Variants in DIAPH2 observed in about 807,000 individuals in gnomAD.
DIAPH2 encodes diaphanous related formin 2, also known as protein diaphanous homolog 2.
Under a neutral mutation model 92.7 loss-of-function variants are expected in DIAPH2, and 35 were observed. The observed-to-expected ratio is 0.38, with a 90% confidence interval of 0.29 to 0.50. The LOEUF is 0.50. DIAPH2 is among the 20% of genes least tolerant of loss of function. The pLI, the probability that DIAPH2 is intolerant of heterozygous loss-of-function variation, is 0.94. For synonymous variants in DIAPH2, 301 were observed against 280.4 expected, an observed-to-expected ratio of 1.07 and a Z score of -0.73; for missense variants, 701 against 819.5, an observed-to-expected ratio of 0.86 and a Z score of 1.77.
chrX:97,253,989 A>G (rs2068213571), intron 23 of DIAPH2, among the ~76,000 whole-genome samples: 1 of 111,744 alleles, frequency 8.9e-6, no homozygotes, highest in African/African-American at 3.3e-5. Context: ...CTAGAAGGAG[A>G]TATCAAAGAT....
intron 17 of DIAPH2, among the ~76,000 whole-genome samples, chrX:96,975,087 G>A (rs1302229106): frequency 9.0e-6 from 1 of 111,522 alleles, no homozygotes; most frequent in South Asian, 3.7e-4. Context: ...GAAAATTGAG[G>A]TGTTATAAAT....
intron 4 of DIAPH2, among the ~76,000 whole-genome samples, chrX:96,820,063 G>C (rs2064767458): frequency 8.9e-6 from 1 of 112,308 alleles, no homozygotes; most frequent in African/African-American, 3.2e-5. Context: ...GGCAGTAAGA[G>C]AGATAAATAG....
chrX:96,685,711 A>G (rs138636845), intron 1 of DIAPH2, among the ~76,000 whole-genome samples: 1,467 of 112,055 alleles, frequency 0.013, 12 homozygotes, highest in Middle Eastern at 0.028. Flanking sequence ...AGAGGCGCCT[A>G]CGTGCCTTTT....
At chrX:96,955,849 C>A (rs1283623847) in intron 15 of DIAPH2, among the ~76,000 whole-genome samples, 1 of 112,706 alleles carries the variant, frequency 8.9e-6, no homozygotes. Context: ...TGCAGCCTCC[C>A]TGCTGATTGC....
At chrX:97,048,938 A>G (rs1374758180) in intron 17 of DIAPH2, among the ~76,000 whole-genome samples, 1 of 109,770 alleles carries the variant, frequency 9.1e-6, no homozygotes, top group Non-Finnish European at 1.9e-5. Flanking sequence ...TTTGACATAC[A>G]AAGACATTTT....
intron 8 of DIAPH2, among the ~76,000 whole-genome samples, chrX:96,917,798 A>G (rs2147784065): frequency 9.1e-6 from 1 of 110,457 alleles, no homozygotes; most frequent in South Asian, 3.8e-4. Flanking sequence ...CCATTGTCAA[A>G]AAATGTTGAT....
At chrX:96,832,356 A>G (rs927554223) in intron 4 of DIAPH2, among the ~76,000 whole-genome samples, 1 of 111,897 alleles carries the variant, frequency 8.9e-6, no homozygotes, top group Non-Finnish European at 1.9e-5. Flanking sequence ...TGCAAATACT[A>G]TTACAACTCA....
intron 22 of DIAPH2, among the ~76,000 whole-genome samples, chrX:97,195,618 G>T (rs2067695513): frequency 1.0e-5 from 1 of 97,891 alleles, no homozygotes. Context: ...CTGAGATCTC[G>T]CCACTGCACT....
intron 10 of DIAPH2, among the ~76,000 whole-genome samples, chrX:96,936,812 T>C (rs2065660727): frequency 8.9e-6 from 1 of 112,076 alleles, no homozygotes; most frequent in Non-Finnish European, 1.9e-5. Flanking sequence ...GAATATATCC[T>C]TGCATTTGTT....
intron 26 of DIAPH2, among the ~76,000 whole-genome samples, chrX:97,482,643 G>C (rs2070658895): frequency 1.1e-5 from 1 of 93,808 alleles, no homozygotes; most frequent in Non-Finnish European, 2.1e-5. Context: ...AAAAGGAAAA[G>C]AGGAGGGGAC....
At position 97,604,229 on chromosome X, in the gene DIAPH2, C is replaced by T. The variant is rs1376489327; in HGVS notation, c.*4912C>T. The T allele has an allele frequency of 8.9e-6, 1 of 111,874 alleles. No individual in the cohort carries two copies. Among genetic ancestry groups the T allele is most frequent in the African/African-American group, 3.3e-5 (1 of 30,624 alleles). 9.2% of individuals were successfully genotyped at this position (111,874 alleles called of 1,213,427 possible). The stretch of plus-strand genomic sequence containing the variant: ...ATCACTTCCCCTCTGTATATATAAT[C>T]TACCTCTGCCTCTCTCTTATAAGGA... On this transcript the variant is annotated 3_prime_UTR_variant, in exon 27 of 27. Transcript: ENST00000324765.
At chrX:97,148,288 A>G (rs1460820729) in intron 22 of DIAPH2, among the ~76,000 whole-genome samples, 2 of 111,852 alleles carry the variant, frequency 1.8e-5, no homozygotes, top group African/African-American at 6.5e-5. Flanking sequence ...ACTCATGCTC[A>G]CATACTGGAA....
chrX:97,318,633 C>CCGCCACCATG (rs1438834498), intron 23 of DIAPH2, among the ~76,000 whole-genome samples: 2 of 106,809 alleles, frequency 1.9e-5, no homozygotes, highest in African/African-American at 6.8e-5. Flanking sequence ...TTACAGGCAC[C>CCGCCACCATG]CGCCACCATG....
intron 26 of DIAPH2, among the ~76,000 whole-genome samples, chrX:97,452,018 C>T (rs991766679): frequency 3.0e-4 from 33 of 111,455 alleles, no homozygotes; most frequent in Non-Finnish European, 5.9e-4. Flanking sequence ...ACAAGCAACT[C>T]TAGCAGTTCA....
chrX:97,031,830 T>C (rs2147879117), intron 17 of DIAPH2, among the ~76,000 whole-genome samples: 1 of 111,779 alleles, frequency 8.9e-6, no homozygotes, highest in African/African-American at 3.2e-5. Context: ...TCCCAGTAGA[T>C]GTTGATGCCA....
chrX:96,938,053 CAA>C (rs2065669643), intron 11 of DIAPH2, among the ~76,000 whole-genome samples: 2 of 111,187 alleles, frequency 1.8e-5, no homozygotes, highest in Admixed American at 1.9e-4. Flanking sequence ...GATTTTTTCT[CAA>C]TGATGTTTTC....
At chrX:97,038,837 GATTT>G (rs1046512006) in intron 17 of DIAPH2, among the ~76,000 whole-genome samples, 2 of 110,873 alleles carry the variant, frequency 1.8e-5, no homozygotes, top group South Asian at 3.8e-4. Flanking sequence ...TATTTACTAA[GATTT>G]ATTTATTTCC....
At chrX:96,812,693 T>C (rs74714296) in intron 4 of DIAPH2, among the ~76,000 whole-genome samples, 11,636 of 111,747 alleles carry the variant, frequency 0.1, 547 homozygotes, top group East Asian at 0.32. Flanking sequence ...CTGCATTAAA[T>C]GTGTCATAGA....
At position 96,871,402 on chromosome X, in the gene DIAPH2, G is replaced by A. The variant is rs771446995; in HGVS notation, c.448-10177G>A. Among the ~76,000 whole-genome samples, 54 of 98,271 alleles carry A rather than the reference G, an allele frequency of 5.5e-4. No homozygotes were observed. The Middle Eastern group carries it at 0.018, about 32-fold the overall frequency. 85.3% of individuals were successfully genotyped at this position (98,271 alleles called of 115,157 possible). On this transcript the variant is annotated intron_variant, in intron 4 of 26. Coordinates refer to ENST00000324765, the MANE Select transcript of DIAPH2 (RefSeq NM_006729.5). Reference sequence around the variant, plus strand: ...GGAGAATGGTGTGAACCTGGTAGGCGGAGATTGCAGTGAGCCGAGATCGCG... The same window carrying A: ...GGAGAATGGTGTGAACCTGGTAGGCAGAGATTGCAGTGAGCCGAGATCGCG...
Sources: gnomAD v4.1 joint callset for allele counts (sites outside exome capture counted in the v4.1 genomes callset) on GRCh38, gnomAD v4.1.1 for gene constraint, MANE v1.5 for transcripts, NCBI Gene and HGNC (gene_info 2026-07-23, HGNC 2026-07-21) for gene names.